The following RNLS variants were observed in gnomAD, a reference collection of about 807,000 sequenced individuals.
RNLS encodes renalase.
In RNLS, 39 loss-of-function variants were observed where a neutral mutation model predicts 39.8. That is an observed-to-expected ratio of 0.98 (90% CI 0.76 to 1.28). The LOEUF is 1.28. Ranked by LOEUF, RNLS falls within the 50% of genes most tolerant of loss-of-function variation. The pLI, the probability that RNLS is intolerant of heterozygous loss-of-function variation, is 0.00. For missense variants in RNLS, 410 were observed against 413.3 expected, an observed-to-expected ratio of 0.99 and a Z score of 0.07; for synonymous variants, 147 against 150.7, an observed-to-expected ratio of 0.98 and a Z score of 0.18.
rs114579926 is a variant in RNLS at position 88,482,393 on chromosome 10, A to G, written c.526+90510T>C. ...AATTTCTATTGATTTGTCTCAAGTT[A>G]ACTGATTCTCTCTCCTATCATCTCA... On this transcript the variant is annotated intron_variant, in intron 4 of 6. Transcript: ENST00000331772. Among the ~76,000 whole-genome samples the G allele has an allele frequency of 8.3e-3, 1,263 of 152,198 alleles. 20 individuals are homozygous for G. The highest frequency in any genetic ancestry group is 0.027 in the African/African-American group (1,142 of 41,534).
At chr10:88,399,087 T>C (rs1020940935) in intron 4 of RNLS, among the ~76,000 whole-genome samples, 8 of 152,016 alleles carry the variant, frequency 5.3e-5, no homozygotes, top group African/African-American at 1.7e-4. Context: ...CACAATGGCA[T>C]ATCATTTCAT....
At chr10:88,540,669 A>C (rs1847988996) in intron 4 of RNLS, among the ~76,000 whole-genome samples, 1 of 152,136 alleles carries the variant, frequency 6.6e-6, no homozygotes, top group African/African-American at 2.4e-5. Flanking sequence ...ATTTGTAATA[A>C]ATGTCAAATA....
chr10:88,239,370 T>TC, the RNLS span, among the ~76,000 whole-genome samples: 1 of 152,152 alleles, frequency 6.6e-6, no homozygotes, highest in East Asian at 1.9e-4. Context: ...TAGAACATTC[T>TC]CCCTCTGATT....
chr10:88,363,198 A>G (rs776970785), intron 4 of RNLS, among the ~76,000 whole-genome samples: 1 of 151,582 alleles, frequency 6.6e-6, no homozygotes, highest in Non-Finnish European at 1.5e-5. Flanking sequence ...CTCTTAAATT[A>G]TTCCATGGAT....
intron 4 of RNLS, among the ~76,000 whole-genome samples, chr10:88,518,812 T>C (rs183270761): frequency 2.4e-4 from 36 of 152,088 alleles, no homozygotes; most frequent in Non-Finnish European, 5.0e-4. Flanking sequence ...ACAATAGCTC[T>C]AGAGAGAAAG....
At chr10:88,214,688 TA>T in the RNLS span, among the ~76,000 whole-genome samples, 1 of 152,218 alleles carries the variant, frequency 6.6e-6, no homozygotes, top group Non-Finnish European at 1.5e-5. Flanking sequence ...TGCCTTATTT[TA>T]AAAACAAAAT....
chr10:88,524,956 CATACATATATATATATATATAT>C (rs1847006754), intron 4 of RNLS, among the ~76,000 whole-genome samples: 1 of 76,282 alleles, frequency 1.3e-5, no homozygotes, highest in Non-Finnish European at 2.6e-5. Context: ...ATGGCACACA[CATACATATATATATATATATAT>C]ATATATATAT....
chr10:88,577,107 G>C (rs1302035666), intron 3 of RNLS, among the ~76,000 whole-genome samples: 1 of 152,028 alleles, frequency 6.6e-6, no homozygotes, highest in Non-Finnish European at 1.5e-5. Flanking sequence ...CAATTTCCCA[G>C]GTTGCATAAA....
chr10:88,357,022 A>G (rs1287635768), intron 5 of RNLS, among the ~76,000 whole-genome samples: 1 of 152,216 alleles, frequency 6.6e-6, no homozygotes, highest in Non-Finnish European at 1.5e-5. Context: ...TGTATTGGTA[A>G]CAGAGGCTGC....
chr10:88,491,509 C>T (rs1266375094), intron 4 of RNLS, among the ~76,000 whole-genome samples: 1 of 152,102 alleles, frequency 6.6e-6, no homozygotes, highest in Middle Eastern at 3.2e-3. Context: ...ATATATGTTT[C>T]TGAGTGCCAC....
At chr10:88,275,105 A>C (rs1394579119) in intron 6 of RNLS, 4 of 1,100,748 alleles carry the variant, frequency 3.6e-6, no homozygotes, top group Non-Finnish European at 5.6e-6. Context: ...TGTCTACACT[A>C]ATAGTGGTTC....
intron 3 of RNLS, among the ~76,000 whole-genome samples, chr10:88,579,687 T>C (rs778305824): frequency 3.5e-4 from 53 of 152,292 alleles, no homozygotes; most frequent in Non-Finnish European, 3.1e-4. Context: ...TAAAGTGATA[T>C]GGCCACACTA....
At chr10:88,321,433 C>T (rs1846175012) in intron 5 of RNLS, among the ~76,000 whole-genome samples, 1 of 151,578 alleles carries the variant, frequency 6.6e-6, no homozygotes, top group South Asian at 2.1e-4. Context: ...GATAGAAGAA[C>T]AAAAGAATTA....
chr10:88,479,324 T>C (rs980284507), intron 4 of RNLS, among the ~76,000 whole-genome samples: 1 of 152,196 alleles, frequency 6.6e-6, no homozygotes, highest in Non-Finnish European at 1.5e-5. Flanking sequence ...AAATAAACCT[T>C]GGCAGCTAGA....
At chr10:88,504,789 T>C (rs1039761788) in intron 4 of RNLS, among the ~76,000 whole-genome samples, 1 of 152,000 alleles carries the variant, frequency 6.6e-6, no homozygotes, top group African/African-American at 2.4e-5. Context: ...GTATTATTGC[T>C]GTAATTCTGA....
intron 6 of RNLS, among the ~76,000 whole-genome samples, chr10:88,299,476 T>C (rs746429049): frequency 3.9e-5 from 6 of 152,020 alleles, no homozygotes; most frequent in Non-Finnish European, 8.8e-5. Context: ...TACAAAAAAA[T>C]TAGCCAGGCA....
At chr10:88,266,694 TACACACACACACACACACAC>T in the RNLS span, among the ~76,000 whole-genome samples, 11 of 134,120 alleles carry the variant, frequency 8.2e-5, no homozygotes, top group Admixed American at 6.8e-4. Flanking sequence ...TTCTTTTAAA[TACACACACACACACACACAC>T]ACACACACAC....
At chr10:88,203,785 AATTAT>A in the RNLS span, among the ~76,000 whole-genome samples, 1 of 151,344 alleles carries the variant, frequency 6.6e-6, no homozygotes, top group Non-Finnish European at 1.5e-5. Flanking sequence ...ATAATATTAT[AATTAT>A]ATTAACTGTA....
At chr10:88,203,368 G>GTA in the RNLS span, among the ~76,000 whole-genome samples, 45 of 1,756 alleles carry the variant, frequency 0.026, 5 homozygotes, top group African/African-American at 0.15. Context: ...GTATGTGTGT[G>GTA]TATATATATA....
Sources: allele counts gnomAD v4.1 joint callset (sites outside exome capture counted in the v4.1 genomes callset), GRCh38; gene constraint gnomAD v4.1.1; transcripts MANE v1.5; gene names NCBI Gene and HGNC (gene_info 2026-07-23, HGNC 2026-07-21).